TEAD4: variants seen among roughly 807,000 people sequenced by gnomAD.
TEAD4 encodes the protein transcriptional enhancer factor TEF-3.
In TEAD4, 36 loss-of-function variants were observed where a neutral mutation model predicts 52.4. That is an observed-to-expected ratio of 0.69 (90% CI 0.53 to 0.91). The LOEUF is 0.91. Ranked by LOEUF, TEAD4 falls within the 40% of genes least tolerant of loss-of-function variation. The pLI is 0.00. For missense variants in TEAD4, 508 were observed against 583.9 expected (o/e 0.87, Z 1.34); for synonymous variants, 220 against 231.0 (o/e 0.95, Z 0.43).
intron 3 of TEAD4, among the ~76,000 whole-genome samples, chr12:2,999,315 A>T (rs1335695835): frequency 1.3e-5 from 2 of 151,688 alleles, no homozygotes; most frequent in Non-Finnish European, 2.9e-5. Context: ...CCCTGCATCC[A>T]AAGGCCACCA....
intron 2 of TEAD4, among the ~76,000 whole-genome samples, chr12:2,964,666 A>G (rs2098218776): frequency 7.1e-6 from 1 of 141,520 alleles, no homozygotes; most frequent in African/African-American, 2.6e-5. Flanking sequence ...GAGACAGGGT[A>G]TTTCCATGTT....
intron 2 of TEAD4, among the ~76,000 whole-genome samples, chr12:2,961,470 C>T (rs1342683507): frequency 6.6e-6 from 1 of 152,056 alleles, no homozygotes; most frequent in African/African-American, 2.4e-5. Flanking sequence ...TTGTGGGAAA[C>T]ACCTCACCCT....
Position 3,003,909 on chromosome 12 carries a change from C to G in TEAD4, c.227-7095C>G, listed in dbSNP as rs868234745. Among the ~76,000 whole-genome samples the G allele has an allele frequency of 2.0e-5, 3 of 152,244 alleles. No homozygotes were observed. In the South Asian group the frequency reaches 6.2e-4, roughly 32 times the overall value. On this transcript the variant is annotated intron_variant, in intron 3 of 12. Coordinates refer to ENST00000359864, the MANE Select transcript of TEAD4 (RefSeq NM_003213.4). ...CTGGGACAAGGACAAGGACAAGCCC[C>G]TCCCACCGCCACCACCTCAGCTGGG...
chr12:3,011,100 G>A, intron 4 of TEAD4, 32 bp downstream of exon 4: 1 of 1,612,690 alleles, frequency 6.2e-7, no homozygotes, highest in Non-Finnish European at 8.5e-7. Context: ...GGGGTCCCGG[G>A]GGTGGTACCC....
intron 10 of TEAD4, among the ~76,000 whole-genome samples, chr12:3,032,311 C>T (rs1273121663): frequency 1.3e-5 from 2 of 152,148 alleles, no homozygotes; most frequent in Admixed American, 6.5e-5. Flanking sequence ...GGACCGTGTG[C>T]TCCAGCCGTG....
chr12:2,975,516 G>T (rs1356519265), intron 2 of TEAD4, among the ~76,000 whole-genome samples: 1 of 152,056 alleles, frequency 6.6e-6, no homozygotes, highest in Non-Finnish European at 1.5e-5. Flanking sequence ...AGCCTCTCAA[G>T]TAGCTGGGAT....
chr12:3,006,154 T>C (rs1565539421), intron 3 of TEAD4, among the ~76,000 whole-genome samples: 1 of 152,208 alleles, frequency 6.6e-6, no homozygotes, highest in Non-Finnish European at 1.5e-5. Context: ...TAAATACAGG[T>C]TGAGCATCCC....
At chr12:2,979,980 G>C (rs978042593) in intron 2 of TEAD4, among the ~76,000 whole-genome samples, 17 of 152,150 alleles carry the variant, frequency 1.1e-4, no homozygotes, top group Non-Finnish European at 2.2e-4. Context: ...AGGGGAGCCT[G>C]TTCCTCTCCT....
Position 3,038,063 on chromosome 12 carries a change from C to T in TEAD4, c.993C>T (p.Ser331=), listed in dbSNP as rs3741950. The stretch of plus-strand genomic sequence containing the variant: ...CCGAGAACATGATCATCACCTGCTC[C>T]ACGAAGGTCTGCTCTTTCGGCAAGC... Residue 331 remains serine, a synonymous_variant, in exon 11 of 13, where the codon TCC becomes TCT. Coordinates refer to ENST00000359864, the MANE Select transcript of TEAD4 (RefSeq NM_003213.4). 125 of 1,613,960 alleles carry T rather than the reference C, an allele frequency of 7.7e-5. No individual in the cohort carries two copies. In the East Asian group the frequency reaches 2.8e-3, roughly 36 times the overall value.
rs767806850 is a variant in TEAD4, at chr12:3,020,782, T to C, written c.723+9T>C. On this transcript the variant is annotated intron_variant, in intron 9 of 12. Coordinates refer to ENST00000359864, the MANE Select transcript of TEAD4 (RefSeq NM_003213.4). ...AGCAGGACCCGGACACGGTAGGTCCTGGCCTCTGCCTGTCCAGCTCCCTGG... is the reference window on the plus strand; with the variant it reads ...AGCAGGACCCGGACACGGTAGGTCCCGGCCTCTGCCTGTCCAGCTCCCTGG... 30 of 1,581,230 alleles carry C rather than the reference T, an allele frequency of 1.9e-5. 1 individual carries two copies. In the Admixed American group the frequency reaches 2.3e-4, roughly 12 times the overall value.
At chr12:2,972,753 G>A (rs1481654418) in intron 2 of TEAD4, among the ~76,000 whole-genome samples, 2 of 151,602 alleles carry the variant, frequency 1.3e-5, no homozygotes, top group East Asian at 1.9e-4. Flanking sequence ...CGCCCGCCTC[G>A]GCCTCCCAAA....
At chr12:3,008,685 GACTC>G (rs1399876415) in intron 3 of TEAD4, among the ~76,000 whole-genome samples, 2 of 152,164 alleles carry the variant, frequency 1.3e-5, no homozygotes, top group Non-Finnish European at 2.9e-5. Flanking sequence ...AGCCACACCA[GACTC>G]ATTCATTCAT....
intron 2 of TEAD4, among the ~76,000 whole-genome samples, chr12:2,983,907 C>G (rs1295917565): frequency 6.6e-6 from 1 of 152,206 alleles, no homozygotes; most frequent in African/African-American, 2.4e-5. Context: ...TGGTGGAGAC[C>G]AGTCCTTACT....
At chr12:2,968,592 A>G (rs1304768815) in intron 2 of TEAD4, among the ~76,000 whole-genome samples, 1 of 150,254 alleles carries the variant, frequency 6.7e-6, no homozygotes, top group African/African-American at 2.4e-5. Context: ...TTTTGTTTTA[A>G]TTTTTATTTT....
At chr12:3,015,900 T>TG (rs1310667742) in intron 5 of TEAD4, among the ~76,000 whole-genome samples, 1 of 150,914 alleles carries the variant, frequency 6.6e-6, no homozygotes, top group Non-Finnish European at 1.5e-5. Context: ...AATTCATGGG[T>TG]GGGGGCGGTG....
intron 2 of TEAD4, among the ~76,000 whole-genome samples, chr12:2,993,381 ACTCAAATGATCCTCCTGC>A (rs1379408176): frequency 6.6e-6 from 1 of 152,070 alleles, no homozygotes; most frequent in African/African-American, 2.4e-5. Context: ...TAACTCCTGG[ACTCAAATGATCCTCCTGC>A]CTCAGCCTCC....
intron 2 of TEAD4, among the ~76,000 whole-genome samples, chr12:2,965,560 AT>A (rs200702660): frequency 0.037 from 5,622 of 151,436 alleles, 271 homozygotes; most frequent in African/African-American, 0.1. Context: ...CAGTGTAATA[AT>A]TTTTTTTTGA....
rs569828077 is a variant in TEAD4 at position 2,999,800 on chromosome 12, C to G, written c.226+4808C>G. On this transcript the variant is annotated intron_variant, in intron 3 of 12. Transcript: ENST00000359864. Reference sequence around the variant, plus strand: ...TTCTCGCCCCCTTCTGCCTGCTCCCCGCCTTCCCCGCTCCTCACACTCAGT... The same window carrying G: ...TTCTCGCCCCCTTCTGCCTGCTCCCGGCCTTCCCCGCTCCTCACACTCAGT... 3.3e-5 allele frequency among the ~76,000 whole-genome samples: 5 copies of G among 152,332 alleles called. No homozygotes were observed. In the East Asian group the frequency reaches 9.6e-4, roughly 29 times the overall value.
intron 3 of TEAD4, among the ~76,000 whole-genome samples, chr12:3,005,948 G>C (rs2098255604): frequency 6.6e-6 from 1 of 152,118 alleles, no homozygotes; most frequent in South Asian, 2.1e-4. Context: ...AAGGAGGAAT[G>C]TTTTTGGAGA....
Sources: allele counts gnomAD v4.1 joint callset (sites outside exome capture counted in the v4.1 genomes callset), GRCh38; gene constraint gnomAD v4.1.1; transcripts MANE v1.5; gene names NCBI Gene and HGNC (gene_info 2026-07-23, HGNC 2026-07-21).